The following BTBD9 variants were observed in gnomAD, a reference collection of about 807,000 sequenced individuals.
The protein encoded by BTBD9 is BTB/POZ domain-containing protein 9.
In BTBD9, 49 loss-of-function variants were observed where a neutral mutation model predicts 64.3. The ratio of observed to expected loss-of-function variants is 0.76; its 90% CI spans 0.61 to 0.97. The LOEUF (loss-of-function observed/expected upper bound fraction) is 0.97. Ranked by LOEUF, BTBD9 falls within the 50% of genes least tolerant of loss-of-function variation. The pLI is 0.00. For missense variants in BTBD9, 598 were observed against 762.1 expected (o/e 0.78, Z 2.53); for synonymous variants, 260 against 274.7 (o/e 0.95, Z 0.53).
intron 6 of BTBD9, among the ~76,000 whole-genome samples, chr6:38,530,587 C>T (rs1450171429): frequency 6.7e-6 from 1 of 150,260 alleles, no homozygotes; most frequent in Non-Finnish European, 1.5e-5. Flanking sequence ...AAAGAACCTA[C>T]ATTGAAATAT....
chr6:38,540,631 A>G (rs1774229115), intron 6 of BTBD9, among the ~76,000 whole-genome samples: 1 of 152,190 alleles, frequency 6.6e-6, no homozygotes, highest in South Asian at 2.1e-4. Flanking sequence ...GTTCTTTTTT[A>G]AGTACTAAAC....
At chr6:38,519,391 G>A (rs1179867970) in intron 6 of BTBD9, among the ~76,000 whole-genome samples, 1 of 152,166 alleles carries the variant, frequency 6.6e-6, no homozygotes, top group South Asian at 2.1e-4. Flanking sequence ...AAAGTATACT[G>A]ATAGCTGCAA....
intron 9 of BTBD9, among the ~76,000 whole-genome samples, chr6:38,221,774 C>A (rs1763205069): frequency 6.6e-6 from 1 of 152,140 alleles, no homozygotes; most frequent in Admixed American, 6.5e-5. Context: ...AGGCGAATCA[C>A]AAGGTTAGGA....
intron 6 of BTBD9, among the ~76,000 whole-genome samples, chr6:38,389,044 ATCT>A (rs1262666128): frequency 6.6e-6 from 1 of 152,222 alleles, no homozygotes; most frequent in East Asian, 1.9e-4. Flanking sequence ...TCTCTACTAG[ATCT>A]TCTAACTGTC....
At chr6:38,189,745 C>T (rs1484786413) in intron 10 of BTBD9, among the ~76,000 whole-genome samples, 1 of 152,038 alleles carries the variant, frequency 6.6e-6, no homozygotes, top group African/African-American at 2.4e-5. Context: ...ACAATCTTGG[C>T]TCACTGCAAC....
intron 6 of BTBD9, among the ~76,000 whole-genome samples, chr6:38,425,395 A>G (rs1768100060): frequency 6.6e-6 from 1 of 151,804 alleles, no homozygotes; most frequent in South Asian, 2.1e-4. Context: ...CTCAGGCGGC[A>G]TAAGTCACCG....
intron 1 of BTBD9, among the ~76,000 whole-genome samples, chr6:38,615,999 T>C (rs1207506754): frequency 2.0e-5 from 3 of 152,012 alleles, no homozygotes. Flanking sequence ...GACCTGGAAA[T>C]ATGATGGGAT....
At chr6:38,487,594 A>T (rs1433800207) in intron 6 of BTBD9, among the ~76,000 whole-genome samples, 2 of 39,218 alleles carry the variant, frequency 5.1e-5, no homozygotes, top group African/African-American at 1.4e-4. Context: ...AGAGTCAGCG[A>T]GAGAGAGAGA....
intron 9 of BTBD9, chr6:38,193,697 T>C (rs1432839424): frequency 2.1e-5 from 10 of 483,820 alleles, no homozygotes; most frequent in Non-Finnish European, 2.4e-5. Flanking sequence ...AGTTCACAGT[T>C]GCTGCCATCC....
chr6:38,261,728 G>A (rs530680552), intron 8 of BTBD9, among the ~76,000 whole-genome samples: 38 of 152,042 alleles, frequency 2.5e-4, no homozygotes, highest in Non-Finnish European at 5.0e-4. Flanking sequence ...CTTTTTTTCT[G>A]AACAGCAGCC....
chr6:38,615,492 C>A (rs1038047264), intron 1 of BTBD9, among the ~76,000 whole-genome samples: 1 of 152,178 alleles, frequency 6.6e-6, no homozygotes, highest in South Asian at 2.1e-4. Context: ...TCCAGCCACA[C>A]TGGCCTTACT....
chr6:38,573,089 T>A (rs1775853587), intron 6 of BTBD9, among the ~76,000 whole-genome samples: 1 of 152,024 alleles, frequency 6.6e-6, no homozygotes, highest in East Asian at 1.9e-4. Context: ...AAAACAGGCT[T>A]TTCATAAATA....
At chr6:38,233,356 C>T (rs1763677243) in intron 9 of BTBD9, among the ~76,000 whole-genome samples, 1 of 152,148 alleles carries the variant, frequency 6.6e-6, no homozygotes, top group Admixed American at 6.5e-5. Context: ...AGACATGGTC[C>T]CTGACCCTTG....
At chr6:38,318,527 G>A (rs1253620360) in intron 7 of BTBD9, among the ~76,000 whole-genome samples, 2 of 152,188 alleles carry the variant, frequency 1.3e-5, no homozygotes, top group African/African-American at 4.8e-5. Context: ...ACTCATAGAG[G>A]TACTGCCTTG....
chr6:38,592,869 G>T (rs1776865407), intron 3 of BTBD9, 29 bp from the exon 4 acceptor site: 1 of 1,607,062 alleles, frequency 6.2e-7, no homozygotes. Flanking sequence ...TAAAATTCCA[G>T]TTATATGAAG....
intron 6 of BTBD9, among the ~76,000 whole-genome samples, chr6:38,361,979 G>A (rs1254751151): frequency 6.6e-6 from 1 of 152,060 alleles, no homozygotes; most frequent in East Asian, 1.9e-4. Context: ...TTTCAATGTA[G>A]AGGACCCAAC....
chr6:38,213,022 G>GTT (rs199934616), intron 9 of BTBD9, among the ~76,000 whole-genome samples: 414 of 144,490 alleles, frequency 2.9e-3, no homozygotes, highest in African/African-American at 9.6e-3. Flanking sequence ...AATTTCAGGT[G>GTT]TTTTTTTTTT....
chr6:38,525,623 C>A (rs935576843), intron 6 of BTBD9, among the ~76,000 whole-genome samples: 2 of 152,128 alleles, frequency 1.3e-5, no homozygotes, highest in Non-Finnish European at 2.9e-5. Flanking sequence ...GTGATATGGA[C>A]AATAAAGTAC....
chr6:38,412,091 C>T (rs1353331967), intron 6 of BTBD9, among the ~76,000 whole-genome samples: 2 of 151,226 alleles, frequency 1.3e-5, no homozygotes, highest in African/African-American at 2.4e-5. Flanking sequence ...CATCCAGATG[C>T]AAAAAGGAAA....
Sources: gnomAD v4.1 joint callset for allele counts (sites outside exome capture counted in the v4.1 genomes callset) on GRCh38, gnomAD v4.1.1 for gene constraint, MANE v1.5 for transcripts, NCBI Gene and HGNC (gene_info 2026-07-23, HGNC 2026-07-21) for gene names.